STK32B: variants seen among roughly 807,000 people sequenced by gnomAD.
STK32B encodes serine/threonine kinase 32B.
STK32B carries 43 observed loss-of-function variants against 52.6 expected under a neutral mutation model. The observed-to-expected ratio is 0.82, with a 90% CI of 0.64 to 1.05. The LOEUF is 1.05. Among genes scored for constraint, STK32B ranks in the 50% least tolerant of loss-of-function variants. STK32B has a pLI of 0.00. For synonymous variants in STK32B, 238 were observed against 204.3 expected (o/e 1.17, Z -1.41); for missense variants, 621 against 534.6 (o/e 1.16, Z -1.59).
chr4:5,336,436 C>T (rs564866277), intron 4 of STK32B, among the ~76,000 whole-genome samples: 11 of 151,452 alleles, frequency 7.3e-5, no homozygotes, highest in East Asian at 3.9e-4. Context: ...ATCCGAGCAA[C>T]GAAATAGAAA....
intron 1 of STK32B, among the ~76,000 whole-genome samples, chr4:5,088,236 G>A (rs920968984): frequency 8.6e-5 from 13 of 151,980 alleles, no homozygotes; most frequent in Non-Finnish European, 1.8e-4. Flanking sequence ...TGAAAACACA[G>A]CATATCAAAA....
At chr4:5,127,929 G>A (rs372924770) in intron 1 of STK32B, among the ~76,000 whole-genome samples, 2 of 152,084 alleles carry the variant, frequency 1.3e-5, no homozygotes, top group South Asian at 2.1e-4. Flanking sequence ...TCCCCTACAC[G>A]AGCTCTCTTG....
chr4:5,267,516 G>GA (rs1449254347), intron 3 of STK32B, among the ~76,000 whole-genome samples: 1 of 152,276 alleles, frequency 6.6e-6, no homozygotes, highest in African/African-American at 2.4e-5. Context: ...AGTGTGGGAA[G>GA]ATGAGAGCAT....
At chr4:5,382,635 A>C (rs1032552969) in intron 4 of STK32B, among the ~76,000 whole-genome samples, 9 of 152,008 alleles carry the variant, frequency 5.9e-5, no homozygotes, top group Non-Finnish European at 1.2e-4. Context: ...TTTTATTCCC[A>C]GTCTCAGTTT....
chr4:5,498,553 T>C (rs1427069025), intron 11 of STK32B, among the ~76,000 whole-genome samples: 2 of 152,180 alleles, frequency 1.3e-5, no homozygotes, highest in African/African-American at 2.4e-5. Flanking sequence ...ATTTAATACA[T>C]GTATACTGAA....
At chr4:5,407,855 C>T (rs1374932485) in intron 5 of STK32B, among the ~76,000 whole-genome samples, 1 of 152,106 alleles carries the variant, frequency 6.6e-6, no homozygotes, top group Non-Finnish European at 1.5e-5. Flanking sequence ...TGGGTGGGAA[C>T]ACAGACGTAA....
At position 5,261,174 on chromosome 4, in the gene STK32B, C is replaced by T. The variant is rs557174054; in HGVS notation, c.261-70046C>T. 2.0e-5 allele frequency among the ~76,000 whole-genome samples: 3 copies of T among 152,266 alleles called. No individual in the cohort carries two copies. The South Asian group carries it at 6.2e-4, about 32-fold the overall frequency. On this transcript the variant is annotated intron_variant, in intron 3 of 11. Coordinates refer to ENST00000282908, the MANE Select transcript of STK32B (RefSeq NM_018401.3). ...CCGGGTAGCACATCATGACATCCTT[C>T]ACTACAGCCTGGCCCTGCTCATGAA...
intron 3 of STK32B, among the ~76,000 whole-genome samples, chr4:5,310,412 C>T (rs994801005): frequency 5.3e-5 from 8 of 152,048 alleles, no homozygotes; most frequent in Admixed American, 2.6e-4. Flanking sequence ...AGAAGTCATA[C>T]AAATGGCAAA....
At chr4:5,477,332 C>T (rs1035540838) in intron 11 of STK32B, among the ~76,000 whole-genome samples, 3 of 152,100 alleles carry the variant, frequency 2.0e-5, no homozygotes, top group Admixed American at 2.0e-4. Flanking sequence ...TATGAAAAAG[C>T]CTTAGAGTCT....
chr4:5,083,366 G>C (rs1360904740), intron 1 of STK32B, among the ~76,000 whole-genome samples: 3 of 152,276 alleles, frequency 2.0e-5, no homozygotes, highest in Non-Finnish European at 4.4e-5. Context: ...AAGGAAACAG[G>C]CTCTTGACTG....
chr4:5,119,255 C>CT (rs1714899281), intron 1 of STK32B, among the ~76,000 whole-genome samples: 1 of 152,208 alleles, frequency 6.6e-6, no homozygotes, highest in Non-Finnish European at 1.5e-5. Context: ...TTAGCCAGCA[C>CT]TTTCTGTGCC....
the STK32B span, among the ~76,000 whole-genome samples, chr4:5,027,270 T>C: frequency 6.6e-6 from 1 of 152,220 alleles, no homozygotes; most frequent in African/African-American, 2.4e-5. Context: ...GGCTTTGCTT[T>C]TGGGCAGAGA....
chr4:5,312,257 G>T (rs1730341330), intron 3 of STK32B, among the ~76,000 whole-genome samples: 1 of 147,628 alleles, frequency 6.8e-6, no homozygotes, highest in African/African-American at 2.5e-5. Context: ...CTTACGTTTA[G>T]TTTTTTTTTT....
At chr4:5,413,637 A>G (rs1711902044) in intron 5 of STK32B, among the ~76,000 whole-genome samples, 1 of 152,262 alleles carries the variant, frequency 6.6e-6, no homozygotes, top group African/African-American at 2.4e-5. Context: ...AAAAGGCACT[A>G]TAAACAAAGT....
intron 3 of STK32B, among the ~76,000 whole-genome samples, chr4:5,246,805 A>G (rs59717978): frequency 0.097 from 14,787 of 152,138 alleles, 1,260 homozygotes; most frequent in African/African-American, 0.23. Context: ...AGGACCCTCC[A>G]CTGCAGGTCT....
intron 9 of STK32B, among the ~76,000 whole-genome samples, chr4:5,461,244 A>T (rs1717002656): frequency 6.6e-6 from 1 of 152,136 alleles, no homozygotes; most frequent in South Asian, 2.1e-4. Flanking sequence ...TGTGAGCAGG[A>T]AAGAGACAAC....
intron 1 of STK32B, among the ~76,000 whole-genome samples, chr4:5,080,980 A>G (rs1712381829): frequency 6.6e-6 from 1 of 152,180 alleles, no homozygotes; most frequent in African/African-American, 2.4e-5. Flanking sequence ...CGTCTTGACT[A>G]CAATCCTACT....
intron 1 of STK32B, among the ~76,000 whole-genome samples, chr4:5,127,677 T>G (rs1368155864): frequency 1.3e-5 from 2 of 152,118 alleles, no homozygotes; most frequent in Non-Finnish European, 2.9e-5. Context: ...GAAGGCCATG[T>G]GAGGACAGAG....
Position 5,378,396 on chromosome 4 carries a change from G to T in STK32B, c.435-19811G>T, listed in dbSNP as rs1010274895. ...GATTCTGAAGCCCTGTGCCTGGGTC[G>T]TAGCCCTGGACTTTGCATTTTATTT... On this transcript the variant is annotated intron_variant, in intron 4 of 11. Coordinates refer to ENST00000282908, the MANE Select transcript of STK32B (RefSeq NM_018401.3). The surrounding 1 kb of genome is among the most constrained non-coding windows in gnomAD (Gnocchi z 4.4). Among the ~76,000 whole-genome samples, 3 of 152,320 alleles carry T rather than the reference G, an allele frequency of 2.0e-5. No individual in the cohort carries two copies. Among genetic ancestry groups the T allele is most frequent in the African/African-American group, 7.2e-5 (3 of 41,566 alleles).
Sources: allele counts gnomAD v4.1 joint callset (sites outside exome capture counted in the v4.1 genomes callset), GRCh38; gene constraint gnomAD v4.1.1; non-coding constraint Gnocchi (gnomAD v3.1); transcripts MANE v1.5; gene names NCBI Gene and HGNC (gene_info 2026-07-23, HGNC 2026-07-21).